The following THSD4 variants were observed in gnomAD, a reference collection of about 807,000 sequenced individuals.
THSD4 encodes thrombospondin type-1 domain-containing protein 4.
Under a neutral mutation model 119.0 loss-of-function variants are expected in THSD4, and 69 were observed. That is an observed-to-expected ratio of 0.58 (90% CI 0.48 to 0.71). The LOEUF (loss-of-function observed/expected upper bound fraction) is 0.71, where lower values mean the gene tolerates loss of function less well. Ranked by LOEUF, THSD4 falls within the 30% of genes least tolerant of loss-of-function variation. The pLI is 0.00. For synonymous variants in THSD4, 524 were observed against 540.4 expected (o/e 0.97, Z 0.42); for missense variants, 1,393 against 1,391.1 (o/e 1.00, Z -0.02).
At chr15:71,432,453 G>A (rs1343116378) in intron 7 of THSD4, among the ~76,000 whole-genome samples, 3 of 150,836 alleles carry the variant, frequency 2.0e-5, no homozygotes, top group Non-Finnish European at 4.4e-5. Flanking sequence ...GGGAGACTCA[G>A]TTTTCCAAAT....
chr15:71,117,443 G>C (rs2040372726), intron 1 of THSD4, among the ~76,000 whole-genome samples: 1 of 151,906 alleles, frequency 6.6e-6, no homozygotes, highest in Non-Finnish European at 1.5e-5. Context: ...TTCTCTCCAT[G>C]GTACCACTTT....
intron 7 of THSD4, among the ~76,000 whole-genome samples, chr15:71,587,529 A>C (rs1377759508): frequency 1.7e-5 from 2 of 115,706 alleles, no homozygotes; most frequent in African/African-American, 5.7e-5. Flanking sequence ...AAGAACAAAA[A>C]ACCAAACACC....
At chr15:71,321,948 T>C (rs985961087) in intron 6 of THSD4, among the ~76,000 whole-genome samples, 2 of 151,296 alleles carry the variant, frequency 1.3e-5, no homozygotes, top group African/African-American at 4.9e-5. Flanking sequence ...GAGTCAACAA[T>C]TGCAAATATT....
intron 7 of THSD4, among the ~76,000 whole-genome samples, chr15:71,413,686 T>C (rs939277637): frequency 5.3e-5 from 8 of 152,234 alleles, no homozygotes; most frequent in African/African-American, 1.7e-4. Context: ...TCACTTGATA[T>C]CTGATGTGTA....
chr15:71,145,065 G>C (rs2040643845), intron 2 of THSD4, among the ~76,000 whole-genome samples: 1 of 151,912 alleles, frequency 6.6e-6, no homozygotes, highest in African/African-American at 2.4e-5. Flanking sequence ...GTGAGTGATA[G>C]GAAGGAAACA....
chr15:71,349,464 T>G lies in THSD4; in HGVS notation c.1016-62223T>G, dbSNP rs80097513. On this transcript the variant is annotated intron_variant, in intron 6 of 17. Transcript: ENST00000261862. ...CCATCTCCCCCTGCCCCTATCAACA[T>G]GTCTTGAAGGTGTGGCCACTGGCCG... 1.6e-3 allele frequency among the ~76,000 whole-genome samples: 234 copies of G among 148,054 alleles called. 2 individuals are homozygous for G. Among genetic ancestry groups the G allele is most frequent in the African/African-American group, 6.0e-3 (224 of 37,508 alleles).
At chr15:71,488,343 T>G (rs927019547) in intron 7 of THSD4, among the ~76,000 whole-genome samples, 15 of 152,256 alleles carry the variant, frequency 9.9e-5, no homozygotes, top group Non-Finnish European at 1.9e-4. Context: ...GAATTCTGTT[T>G]TAGTAAGTTA....
At chr15:71,722,656 A>G (rs2052744253) in intron 8 of THSD4, among the ~76,000 whole-genome samples, 1 of 152,204 alleles carries the variant, frequency 6.6e-6, no homozygotes, top group Non-Finnish European at 1.5e-5. Flanking sequence ...TGTCCGTTAC[A>G]TTGATTCAAA....
intron 7 of THSD4, among the ~76,000 whole-genome samples, chr15:71,655,931 G>A (rs1297254278): frequency 2.6e-5 from 4 of 152,212 alleles, no homozygotes; most frequent in Non-Finnish European, 5.9e-5. Flanking sequence ...CTACCTCAAA[G>A]AGAAGTGACC....
chr15:71,134,120 C>A (rs1180330782), intron 1 of THSD4, among the ~76,000 whole-genome samples: 1 of 152,172 alleles, frequency 6.6e-6, no homozygotes, highest in East Asian at 1.9e-4. Flanking sequence ...GAAATGAGTT[C>A]TGCAGCTGAG....
intron 3 of THSD4, among the ~76,000 whole-genome samples, chr15:71,203,282 G>C (rs1313863762): frequency 6.6e-6 from 1 of 152,144 alleles, no homozygotes; most frequent in Non-Finnish European, 1.5e-5. Flanking sequence ...AGTAATTTTG[G>C]ATTTTATCTT....
At chr15:71,495,864 G>A (rs774223701) in intron 7 of THSD4, among the ~76,000 whole-genome samples, 10 of 152,178 alleles carry the variant, frequency 6.6e-5, no homozygotes, top group Non-Finnish European at 1.3e-4. Context: ...AAGACCATGC[G>A]TCTCATTTAA....
intron 7 of THSD4, among the ~76,000 whole-genome samples, chr15:71,539,574 A>G (rs1249156172): frequency 6.6e-6 from 1 of 151,860 alleles, no homozygotes; most frequent in Non-Finnish European, 1.5e-5. Context: ...TCATATGTTC[A>G]TTTTCCGTAT....
intron 4 of THSD4, among the ~76,000 whole-genome samples, chr15:71,231,068 C>A (rs1031945102): frequency 6.6e-6 from 1 of 152,212 alleles, no homozygotes; most frequent in Non-Finnish European, 1.5e-5. Context: ...CCTCCGGGCC[C>A]ACACTGAATA....
Position 71,350,141 on chromosome 15 carries a change from T to TAA in THSD4, c.1016-61527_1016-61526dup, listed in dbSNP as rs3086680. Among the ~76,000 whole-genome samples, 189 of 111,144 alleles carry TAA rather than the reference T, an allele frequency of 1.7e-3. 2 individuals carry two copies. Among genetic ancestry groups the TAA allele is most frequent in the South Asian group, 8.7e-3 (31 of 3,554 alleles). The allele number at this position is 111,144 out of a possible 152,430, so 72.9% of individuals were successfully genotyped here. A position where few individuals can be genotyped will look rare whatever the true frequency, so the allele number is the denominator to read the frequency against. On this transcript the variant is annotated intron_variant, in intron 6 of 17. Transcript: ENST00000261862. ...AATAATTATATAAACTGCAAATTAC[T>TAA]AAAAAAAAAAAAAAAAAAAATGAAC...
chr15:71,099,735 G>C (rs566763948), intron 1 of THSD4, among the ~76,000 whole-genome samples: 94 of 152,094 alleles, frequency 6.2e-4, no homozygotes, highest in African/African-American at 2.0e-3. Context: ...GAGGCCAAGG[G>C]GGGCAGATCG....
chr15:71,500,032 A>G lies in THSD4; in HGVS notation c.1152+88209A>G, dbSNP rs190839976. Among the ~76,000 whole-genome samples the G allele has an allele frequency of 1.3e-5, 2 of 152,302 alleles. 1 individual carries two copies. Among genetic ancestry groups the G allele is most frequent in the Admixed American group, 1.3e-4 (2 of 15,304 alleles). ...AATTGTCAGATACTATGATAATTCA[A>G]TTTTTAATTTTTGAGGAACCACCTT... On this transcript the variant is annotated intron_variant, in intron 7 of 17. Coordinates refer to ENST00000261862, the MANE Select transcript of THSD4 (RefSeq NM_024817.3).
At chr15:71,306,577 G>T (rs1019250373) in intron 6 of THSD4, among the ~76,000 whole-genome samples, 2 of 152,160 alleles carry the variant, frequency 1.3e-5, no homozygotes, top group African/African-American at 2.4e-5. Context: ...GTTTTATAAA[G>T]TATGGGTGTC....
chr15:71,766,061 T>A (rs1040016842), intron 16 of THSD4, among the ~76,000 whole-genome samples: 3 of 152,164 alleles, frequency 2.0e-5, no homozygotes, highest in African/African-American at 7.2e-5. Flanking sequence ...CCTCTAAGTC[T>A]TTCTCAAGTC....
Sources: allele counts gnomAD v4.1 joint callset (sites outside exome capture counted in the v4.1 genomes callset), GRCh38; gene constraint gnomAD v4.1.1; transcripts MANE v1.5; gene names NCBI Gene and HGNC (gene_info 2026-07-23, HGNC 2026-07-21).